Variants in NBPF19 observed in about 807,000 individuals in gnomAD.
NBPF19 encodes NBPF family member NBPF19.
Under a neutral mutation model 45.9 loss-of-function variants are expected in NBPF19, and 30 were observed. The observed-to-expected ratio is 0.65, with a 90% CI of 0.49 to 0.89. The LOEUF (loss-of-function observed/expected upper bound fraction) is 0.89. NBPF19 is among the 40% of genes least tolerant of loss of function. The pLI is 0.00. For synonymous variants in NBPF19, 183 were observed against 181.2 expected, an observed-to-expected ratio of 1.01 and a Z score of -0.08; for missense variants, 495 against 471.8, an observed-to-expected ratio of 1.05 and a Z score of -0.46.
chr1:149,487,775 CTGTGTGTGTGTGTGTGTGTGTGTGTG>C (rs1219803937), intron 9 of NBPF19, among the ~76,000 whole-genome samples: 7 of 128,760 alleles, frequency 5.4e-5, no homozygotes, highest in South Asian at 5.3e-4. Flanking sequence ...TGAGCTCGCT[CTGTGTGTGTGTGTGTGTGTGTGTGTG>C]TGTGTGTGTG....
chr1:149,478,002 A>G lies in NBPF19; in HGVS notation c.233A>G (p.Lys78Arg). The G allele has an allele frequency of 6.6e-7, 1 of 1,505,320 alleles. No homozygotes were observed. 93.2% of individuals were successfully genotyped at this position (1,505,320 alleles called of 1,614,324 possible). A position where few individuals can be genotyped will look rare whatever the true frequency, so the allele number is the denominator to read the frequency against. Residue 78 changes from lysine to arginine, a missense_variant, in exon 3 of 94, where the codon AAG becomes AGG. Lys to Arg is a conservative substitution (Grantham distance 26, BLOSUM62 2). Transcript: ENST00000651566. ...ATGCTGAGGAATGAGCGACAGTTCA[A>G]GGAGGAGAAGCTTGCAGAGCAGCTG... Reference protein sequence around the residue: ...KFMLRNERQFKEEKLAEQLKQ... With the variant: ...KFMLRNERQFREEKLAEQLKQ...
chr1:149,554,959 C>T lies in NBPF19; in HGVS notation c.*221C>T. The T allele has an allele frequency of 5.1e-6, 4 of 790,436 alleles. No homozygotes were observed. Among genetic ancestry groups the T allele is most frequent in the East Asian group, 2.6e-5 (1 of 37,842 alleles). The allele number at this position is 790,436 out of a possible 1,614,324, so 49.0% of individuals were successfully genotyped here. A position where few individuals can be genotyped will look rare whatever the true frequency, so the allele number is the denominator to read the frequency against. ...GACACGTTCACATAACTGTGCAGCA[C>T]ATGCCGGGAGTGATCAGTCGGACAT... On this transcript the variant is annotated 3_prime_UTR_variant, in exon 94 of 94. Transcript: ENST00000651566.
chr1:149,487,271 G>A (rs1559619432), intron 8 of NBPF19, 61 bp from the exon 9 acceptor site: 1 of 1,222,636 alleles, frequency 8.2e-7, no homozygotes, highest in East Asian at 2.3e-5. Flanking sequence ...TTGGACAGAG[G>A]AATGTTTCTG....
chr1:149,554,883 G>A lies in NBPF19; in HGVS notation c.*145G>A. ...GGCTCTTTTCCTATTCTCAAACCAT[G>A]CCAGTGGCAACCTGTGCTCAGTCTG... On this transcript the variant is annotated 3_prime_UTR_variant, in exon 94 of 94. Transcript: ENST00000651566. 2 of 1,440,718 alleles carry A rather than the reference G, an allele frequency of 1.4e-6. No individual in the cohort carries two copies. Among genetic ancestry groups the A allele is most frequent in the African/African-American group, 1.4e-5 (1 of 70,790 alleles). 89.2% of individuals were successfully genotyped at this position (1,440,718 alleles called of 1,614,324 possible).
rs1422074654 is a variant in NBPF19, at chr1:149,490,972, T to C, written c.1491-167T>C. 1.4e-4 allele frequency among the ~76,000 whole-genome samples: 18 copies of C among 130,112 alleles called. No individual in the cohort carries two copies. In the Middle Eastern group the frequency reaches 0.018, roughly 131 times the overall value. 85.4% of individuals were successfully genotyped at this position (130,112 alleles called of 152,430 possible). On this transcript the variant is annotated intron_variant, in intron 13 of 93. Transcript: ENST00000651566. ...CATCTGTCTCTTTCATTCTTTTCCA[T>C]TTGGCCCTGTTCTGTCCCAACATGA... is the stretch of plus-strand genomic sequence containing the variant.
intron 4 of NBPF19, among the ~76,000 whole-genome samples, chr1:149,479,647 G>A (rs1391217751): frequency 2.0e-5 from 3 of 148,992 alleles, no homozygotes; most frequent in Admixed American, 6.7e-5. Flanking sequence ...GTGGTAGGAA[G>A]TGCTTCAGAC....
At chr1:149,509,930 CTCTGTG>C (rs2086188747) in intron 37 of NBPF19, among the ~76,000 whole-genome samples, 1 of 5,356 alleles carries the variant, frequency 1.9e-4, no homozygotes. Context: ...CTCTCTCTCT[CTCTGTG>C]TGTGTGTGTG....
At chr1:149,486,688 G>A (rs2085528381) in intron 8 of NBPF19, among the ~76,000 whole-genome samples, 1 of 151,276 alleles carries the variant, frequency 6.6e-6, no homozygotes, top group Non-Finnish European at 1.5e-5. Context: ...TGTCTGTGTG[G>A]TTCTTTACCT....
intron 10 of NBPF19, among the ~76,000 whole-genome samples, chr1:149,488,436 C>T (rs1327651857): frequency 1.4e-4 from 19 of 138,082 alleles, no homozygotes; most frequent in African/African-American, 5.2e-4. Context: ...TGACGTTGGA[C>T]CTGGGCAGAT....
At chr1:149,487,118 C>T (rs1259165158) in intron 8 of NBPF19, among the ~76,000 whole-genome samples, 2 of 150,398 alleles carry the variant, frequency 1.3e-5, no homozygotes, top group Non-Finnish European at 3.0e-5. Context: ...GGGAAGATAA[C>T]ATTCCAACAC....
chr1:149,479,687 T>C (rs2085056930), intron 4 of NBPF19, among the ~76,000 whole-genome samples: 1 of 149,676 alleles, frequency 6.7e-6, no homozygotes. Context: ...AGAATGTCCC[T>C]GAATAACACA....
intron 9 of NBPF19, among the ~76,000 whole-genome samples, chr1:149,487,650 T>A (rs1476011080): frequency 1.8e-4 from 27 of 150,524 alleles, no homozygotes; most frequent in Non-Finnish European, 3.7e-4. Flanking sequence ...GAGCACATTT[T>A]ATGCAAAATT....
chr1:149,487,522 G>A (rs1292872968), intron 9 of NBPF19, 139 bp downstream of exon 9: 6 of 998,158 alleles, frequency 6.0e-6, no homozygotes, highest in Non-Finnish European at 9.5e-6. Context: ...TTGCTTTTTT[G>A]TTCTCATTAG....
At chr1:149,484,663 A>G (rs1321220406) in intron 7 of NBPF19, among the ~76,000 whole-genome samples, 3 of 143,200 alleles carry the variant, frequency 2.1e-5, no homozygotes, top group South Asian at 2.4e-4. Context: ...GGGTAATCCA[A>G]CCTTTCTCTC....
At chr1:149,487,807 G>GTGTGTGTT (rs2085685788) in intron 9 of NBPF19, among the ~76,000 whole-genome samples, 5 of 150,062 alleles carry the variant, frequency 3.3e-5, no homozygotes, top group Admixed American at 1.3e-4. Flanking sequence ...GTGTGTGTGT[G>GTGTGTGTT]TGTGTGTGTG....
chr1:149,554,594 C>G lies in NBPF19; in HGVS notation c.11388C>G (p.Asp3796Glu), dbSNP rs1190145844. 0.026 allele frequency: 41,593 copies of G among 1,607,352 alleles called. 3,559 individuals are homozygous for G. The highest frequency in any genetic ancestry group is 0.23 in the East Asian group (10,343 of 44,820). ...CGTCAATGTACTTTGAACTACCTGACTCATTCCAGCACTACAGAAGTGTGT... is the reference window on the plus strand; with the variant it reads ...CGTCAATGTACTTTGAACTACCTGAGTCATTCCAGCACTACAGAAGTGTGT... The part of the protein sequence containing the change: ...STPSMYFELP[D>E]SFQHYRSVFY... Residue 3796 changes from aspartate to glutamate, a missense_variant, in exon 94 of 94, where the codon GAC (aspartate) becomes GAG (glutamate). Transcript: ENST00000651566.
Position 149,490,914 on chromosome 1 carries a change from G to A in NBPF19, c.1491-225G>A, listed in dbSNP as rs1472259963. On this transcript the variant is annotated intron_variant, in intron 13 of 93. Transcript: ENST00000651566. ...TCTCTCTCTCTGTGTGTGTGTGTGTGTGTGTGCGTGTGTGTGTGTGTGTGT... is the reference window on the plus strand; with the variant it reads ...TCTCTCTCTCTGTGTGTGTGTGTGTATGTGTGCGTGTGTGTGTGTGTGTGT... 1.5e-4 allele frequency among the ~76,000 whole-genome samples: 20 copies of A among 132,906 alleles called. 2 individuals carry two copies. Among genetic ancestry groups the A allele is most frequent in the African/African-American group, 4.8e-4 (16 of 33,532 alleles). 87.2% of individuals were successfully genotyped at this position (132,906 alleles called of 152,430 possible). A position where few individuals can be genotyped will look rare whatever the true frequency, so the allele number is the denominator to read the frequency against.
At chr1:149,487,667 G>A (rs1287518758) in intron 9 of NBPF19, among the ~76,000 whole-genome samples, 21 of 149,978 alleles carry the variant, frequency 1.4e-4, no homozygotes, top group Non-Finnish European at 2.4e-4. Context: ...AATTATTGAG[G>A]ACATGCTTTT....
At chr1:149,497,814 A>T in intron 22 of NBPF19, 117 bp downstream of exon 22, 1 of 73,318 alleles carries the variant, frequency 1.4e-5, no homozygotes, top group Non-Finnish European at 2.2e-5. Flanking sequence ...GGGAGGACCT[A>T]TAGGCACATG....
Sources: allele counts gnomAD v4.1 joint callset (sites outside exome capture counted in the v4.1 genomes callset), GRCh38; gene constraint gnomAD v4.1.1; transcripts MANE v1.5; gene names NCBI Gene and HGNC (gene_info 2026-07-23, HGNC 2026-07-21).